The following HBS1L variants were observed in gnomAD, a reference collection of about 807,000 sequenced individuals.
HBS1L encodes HBS1 like translational GTPase.
In HBS1L, 55 loss-of-function variants were observed where a neutral mutation model predicts 88.9. That is an observed-to-expected ratio of 0.62 (90% CI 0.50 to 0.77). The LOEUF is 0.77. HBS1L is among the 30% of genes least tolerant of loss of function. The pLI is 0.00. For synonymous variants in HBS1L, 267 were observed against 288.5 expected (o/e 0.93, Z 0.76); for missense variants, 741 against 829.3 (o/e 0.89, Z 1.31).
Position 135,054,735 on chromosome 6 carries a change from A to T in HBS1L, c.-44T>A. The T allele has an allele frequency of 3.1e-6, 5 of 1,612,178 alleles. No individual in the cohort carries two copies. Among genetic ancestry groups the T allele is most frequent in the Middle Eastern group, 1.7e-4 (1 of 6,054 alleles). ...TGCCACAGCCCCTTAACTCCTTCCA[A>T]AACACTCCGCTTAGATACTGATAAG... On this transcript the variant is annotated 5_prime_UTR_variant, in exon 1 of 18. It adds an upstream start codon to the 5' untranslated region. Coordinates refer to ENST00000367837, the MANE Select transcript of HBS1L (RefSeq NM_006620.4).
chr6:134,977,342 TA>T (rs1273351837), intron 15 of HBS1L, among the ~76,000 whole-genome samples: 3 of 152,014 alleles, frequency 2.0e-5, no homozygotes, highest in Non-Finnish European at 2.9e-5. Context: ...TGAGTAAAAA[TA>T]TGCAGTAACC....
chr6:135,054,136 T>C (rs942920418), intron 1 of HBS1L, among the ~76,000 whole-genome samples: 1 of 152,226 alleles, frequency 6.6e-6, no homozygotes, highest in African/African-American at 2.4e-5. Context: ...AAAAATAAAT[T>C]AGCGCAAACT....
At position 135,000,222 on chromosome 6, in the gene HBS1L, A is replaced by ATTTTTT. The variant is rs33946758; in HGVS notation, c.539+2506_539+2511dup. 7.8e-4 allele frequency among the ~76,000 whole-genome samples: 101 copies of ATTTTTT among 129,416 alleles called. 1 individual carries two copies. The highest frequency in any genetic ancestry group is 5.5e-3 in the East Asian group (26 of 4,712). The allele number at this position is 129,416 out of a possible 152,430, so 84.9% of individuals were successfully genotyped here. A position where few individuals can be genotyped will look rare whatever the true frequency, so the allele number is the denominator to read the frequency against. ...AGGCAAGCACCACTATACCCAGCTA[A>ATTTTTT]TTTTTTTTTTTTTTTGGTAGAGATG... On this transcript the variant is annotated intron_variant, in intron 5 of 17. Transcript: ENST00000367837.
At position 135,054,797 on chromosome 6, in the gene HBS1L, C is replaced by G. The variant is rs969436362; in HGVS notation, c.-106G>C. On this transcript the variant is annotated 5_prime_UTR_variant, in exon 1 of 18. Coordinates refer to ENST00000367837, the MANE Select transcript of HBS1L (RefSeq NM_006620.4). ...AGCCTGGAGAACCCCTATGCGCCAT[C>G]TTGGCTTCCCGCAGGCCTCTGCGCC... The G allele has an allele frequency of 1.7e-5, 24 of 1,389,476 alleles. No homozygotes were observed. In the South Asian group the frequency reaches 1.8e-4, roughly 11 times the overall value. 86.1% of individuals were successfully genotyped at this position (1,389,476 alleles called of 1,614,324 possible). A position where few individuals can be genotyped will look rare whatever the true frequency, so the allele number is the denominator to read the frequency against.
Position 135,019,192 on chromosome 6 carries a change from A to G in HBS1L, c.431-16350T>C, listed in dbSNP as rs563767523. ...TGTTAAGTAATTTGCTAAAGGCCAC[A>G]CAGCTAGTAGTTGGTTCAGTTGAAA... On this transcript the variant is annotated intron_variant, in intron 4 of 17. Transcript: ENST00000367837. 2.6e-5 allele frequency among the ~76,000 whole-genome samples: 4 copies of G among 152,074 alleles called. No individual in the cohort carries two copies. In the South Asian group the frequency reaches 8.3e-4, roughly 31 times the overall value.
rs567642142 is a variant in HBS1L at position 134,983,807 on chromosome 6, A to G, written c.1493-1245T>C. On this transcript the variant is annotated intron_variant, in intron 12 of 17. Coordinates refer to ENST00000367837, the MANE Select transcript of HBS1L (RefSeq NM_006620.4). Reference sequence around the variant, plus strand: ...ACTAAGAAGAGGACTGAGGCAGCAGAACACTGTTTAAAAGACAGAGAATGA... The same window carrying G: ...ACTAAGAAGAGGACTGAGGCAGCAGGACACTGTTTAAAAGACAGAGAATGA... Among the ~76,000 whole-genome samples, 5 of 152,268 alleles carry G rather than the reference A, an allele frequency of 3.3e-5. No individual in the cohort carries two copies. In the East Asian group the frequency reaches 7.7e-4, roughly 24 times the overall value.
chr6:134,982,292 G>C, intron 13 of HBS1L, 166 bp downstream of exon 13: 1 of 571,844 alleles, frequency 1.7e-6, no homozygotes, highest in Non-Finnish European at 3.1e-6. Flanking sequence ...GAAAAAAATC[G>C]TTTAATGTTT....
Position 135,002,716 on chromosome 6 carries a change from AG to A in HBS1L, c.539+17del. On this transcript the variant is annotated intron_variant, in intron 5 of 17. Transcript: ENST00000367837. ...TTGGGGGTGGGGGTGGGGATGAGGG[AG>A]GTACTCAAAGTCTTACCCAGGCACT... 1 of 1,434,452 alleles carries A rather than the reference AG, an allele frequency of 7.0e-7. No individual in the cohort carries two copies. The highest frequency in any genetic ancestry group is 9.8e-7 in the Non-Finnish European group (1 of 1,018,250). The allele number at this position is 1,434,452 out of a possible 1,614,324, so 88.9% of individuals were successfully genotyped here. A position where few individuals can be genotyped will look rare whatever the true frequency, so the allele number is the denominator to read the frequency against.
chr6:135,032,821 TG>T (rs1300039193), intron 4 of HBS1L, among the ~76,000 whole-genome samples: 1 of 151,544 alleles, frequency 6.6e-6, no homozygotes, highest in Admixed American at 6.6e-5. Context: ...TATAAAACAC[TG>T]ACTATAGTTA....
chr6:135,000,222 A>ATTTTTTTT (rs33946758), intron 5 of HBS1L, among the ~76,000 whole-genome samples: 3,747 of 129,310 alleles, frequency 0.029, 335 homozygotes, highest in African/African-American at 0.12. Flanking sequence ...TACCCAGCTA[A>ATTTTTTTT]TTTTTTTTTT....
At chr6:135,044,430 G>A (rs1191046214) in intron 2 of HBS1L, among the ~76,000 whole-genome samples, 2 of 152,070 alleles carry the variant, frequency 1.3e-5, no homozygotes, top group African/African-American at 4.8e-5. Context: ...TCCCCCTCTT[G>A]TGCAAGTAGA....
At chr6:135,016,504 G>A (rs1015430234) in intron 4 of HBS1L, among the ~76,000 whole-genome samples, 16 of 152,094 alleles carry the variant, frequency 1.1e-4, no homozygotes, top group Non-Finnish European at 2.9e-5. Context: ...TGTGAATGCC[G>A]ATTTGGGGAG....
At chr6:134,991,405 G>C (rs991354421) in intron 8 of HBS1L, among the ~76,000 whole-genome samples, 5 of 152,096 alleles carry the variant, frequency 3.3e-5, no homozygotes, top group African/African-American at 1.2e-4. Flanking sequence ...GGAACTTTGT[G>C]GAATTTGTCC....
rs563574234 is a variant in HBS1L, at chr6:134,982,190, T to C, written c.1597+268A>G. The C allele has an allele frequency of 1.7e-5, 6 of 348,770 alleles. No individual in the cohort carries two copies. In the East Asian group the frequency reaches 3.4e-4, roughly 20 times the overall value. The allele number at this position is 348,770 out of a possible 1,614,324, so 21.6% of individuals were successfully genotyped here. A position where few individuals can be genotyped will look rare whatever the true frequency, so the allele number is the denominator to read the frequency against. On this transcript the variant is annotated intron_variant, in intron 13 of 17. Coordinates refer to ENST00000367837, the MANE Select transcript of HBS1L (RefSeq NM_006620.4). ...AGGTATCTATACATATCTGATTAAA[T>C]CCTAACCAGGCTTCTCAGATCTGTG...
rs778262659 is a variant in HBS1L at position 134,982,540 on chromosome 6, T to TA, written c.1514dup (p.Thr506AsnfsTer3). 6.2e-7 allele frequency: 1 copy of TA among 1,609,810 alleles called. No individual in the cohort carries two copies. The highest frequency in any genetic ancestry group is 8.5e-7 in the Non-Finnish European group (1 of 1,176,752). ...TATAACCAGCTTCTATTTTACCAGTTATGCAAAATCCAGATCCTTGATCTG... is the reference window on the plus strand; with the variant it reads ...TATAACCAGCTTCTATTTTACCAGTTAATGCAAAATCCAGATCCTTGATCTG... On this transcript the variant is annotated frameshift_variant, in exon 13 of 18. Coordinates refer to ENST00000367837, the MANE Select transcript of HBS1L (RefSeq NM_006620.4). LOFTEE classifies it high-confidence loss of function.
intron 7 of HBS1L, among the ~76,000 whole-genome samples, chr6:134,994,273 T>C (rs1166174534): frequency 2.0e-5 from 3 of 152,158 alleles, no homozygotes; most frequent in African/African-American, 4.8e-5. Context: ...TCTACACTTA[T>C]GCTTCACTAA....
chr6:135,004,173 A>C (rs1216236617), intron 4 of HBS1L, among the ~76,000 whole-genome samples: 1 of 152,030 alleles, frequency 6.6e-6, no homozygotes, highest in African/African-American at 2.4e-5. Context: ...TACACCAGGC[A>C]CTATGCTGGA....
intron 4 of HBS1L, among the ~76,000 whole-genome samples, chr6:135,018,860 C>G (rs942287638): frequency 6.6e-6 from 1 of 151,910 alleles, no homozygotes; most frequent in African/African-American, 2.4e-5. Context: ...ATCCCAAACT[C>G]TCTCTGAGAG....
At chr6:135,022,238 T>C (rs1024426367) in intron 4 of HBS1L, among the ~76,000 whole-genome samples, 1 of 152,072 alleles carries the variant, frequency 6.6e-6, no homozygotes, top group Non-Finnish European at 1.5e-5. Context: ...AAAATAATTT[T>C]TTACTAAAAG....
Sources: allele counts gnomAD v4.1 joint callset (sites outside exome capture counted in the v4.1 genomes callset), GRCh38; gene constraint gnomAD v4.1.1; transcripts MANE v1.5; gene names NCBI Gene and HGNC (gene_info 2026-07-23, HGNC 2026-07-21).